PDE8B: variants seen among roughly 807,000 people sequenced by gnomAD.
The protein encoded by PDE8B is high affinity cAMP-specific and IBMX-insensitive 3',5'-cyclic phosphodiesterase 8B.
Under a neutral mutation model 101.3 loss-of-function variants are expected in PDE8B, and 26 were observed. The observed-to-expected ratio is 0.26, with a 90% CI of 0.19 to 0.36. The LOEUF (loss-of-function observed/expected upper bound fraction) is 0.36. Ranked by LOEUF, PDE8B falls within the 10% of genes least tolerant of loss-of-function variation. The pLI is 1.00. For missense variants in PDE8B, 810 were observed against 1,163.1 expected, an observed-to-expected ratio of 0.70 and a Z score of 4.42; for synonymous variants, 424 against 429.3, an observed-to-expected ratio of 0.99 and a Z score of 0.15.
At chr5:77,221,276 C>T (rs757988826) in intron 1 of PDE8B, among the ~76,000 whole-genome samples, 4 of 152,140 alleles carry the variant, frequency 2.6e-5, no homozygotes, top group Non-Finnish European at 4.4e-5. Context: ...CCCTTCCAGT[C>T]TCTCTTTTCT....
chr5:77,375,590 G>T (rs1785910651), intron 10 of PDE8B, among the ~76,000 whole-genome samples: 1 of 152,068 alleles, frequency 6.6e-6, no homozygotes, highest in South Asian at 2.1e-4. Context: ...CCCTCCATCA[G>T]CCAGGCCACC....
At chr5:77,121,509 CTTTT>C in the PDE8B span, among the ~76,000 whole-genome samples, 3 of 141,118 alleles carry the variant, frequency 2.1e-5, no homozygotes, top group Non-Finnish European at 1.5e-5. Context: ...ATTAGGCTTC[CTTTT>C]TTTTTTTTTT....
chr5:77,283,403 G>C (rs1306119482), intron 1 of PDE8B, among the ~76,000 whole-genome samples: 1 of 152,048 alleles, frequency 6.6e-6, no homozygotes, highest in Non-Finnish European at 1.5e-5. Flanking sequence ...GTACCTTCTG[G>C]GGAGTTTGAC....
intron 2 of PDE8B, among the ~76,000 whole-genome samples, chr5:77,312,517 G>A (rs1209623117): frequency 6.6e-6 from 1 of 152,222 alleles, no homozygotes; most frequent in Non-Finnish European, 1.5e-5. Context: ...CCCAAAACTA[G>A]TCTGCTCCAC....
chr5:77,185,260 T>C, the PDE8B span, among the ~76,000 whole-genome samples: 1 of 152,180 alleles, frequency 6.6e-6, no homozygotes, highest in African/African-American at 2.4e-5. Context: ...GACTGATAGC[T>C]CACACAACCG....
the PDE8B span, among the ~76,000 whole-genome samples, chr5:77,125,202 A>G: frequency 1.3e-5 from 2 of 152,064 alleles, no homozygotes; most frequent in Admixed American, 1.3e-4. Flanking sequence ...CATTCTTTCT[A>G]TGTTGTCCAG....
At chr5:77,279,551 G>A (rs1010826384) in intron 1 of PDE8B, among the ~76,000 whole-genome samples, 6 of 152,130 alleles carry the variant, frequency 3.9e-5, no homozygotes, top group African/African-American at 7.2e-5. Flanking sequence ...GCTTATTGAG[G>A]ACTTCAGGTT....
the PDE8B span, among the ~76,000 whole-genome samples, chr5:77,171,808 G>A: frequency 6.6e-6 from 1 of 152,176 alleles, no homozygotes; most frequent in South Asian, 2.1e-4. Context: ...GCCGCGGAGG[G>A]ATGGAGGTCC....
At chr5:77,359,237 G>GTGA (rs1453153887) in intron 10 of PDE8B, among the ~76,000 whole-genome samples, 3 of 152,210 alleles carry the variant, frequency 2.0e-5, no homozygotes, top group Non-Finnish European at 4.4e-5. Context: ...ACGCTTGGTG[G>GTGA]TGATGGTGGC....
chr5:77,259,088 CA>C, intron 1 of PDE8B, among the ~76,000 whole-genome samples: 1 of 72,202 alleles, frequency 1.4e-5, no homozygotes, highest in African/African-American at 5.6e-5. Flanking sequence ...CCCCCCCACA[CA>C]CACACACGAA....
chr5:77,330,290 C>T (rs1481605656), intron 4 of PDE8B, among the ~76,000 whole-genome samples: 1 of 152,178 alleles, frequency 6.6e-6, no homozygotes, highest in Non-Finnish European at 1.5e-5. Flanking sequence ...GAACAAAATA[C>T]TCTTGTTTTT....
At chr5:77,199,347 C>T in the PDE8B span, among the ~76,000 whole-genome samples, 3 of 152,312 alleles carry the variant, frequency 2.0e-5, no homozygotes, top group East Asian at 5.8e-4. Context: ...ACTTCTCTCT[C>T]ACAAAAGTGT....
chr5:77,135,206 A>AAG, the PDE8B span, among the ~76,000 whole-genome samples: 1 of 152,214 alleles, frequency 6.6e-6, no homozygotes, highest in Non-Finnish European at 1.5e-5. Context: ...TTTCCTAGGC[A>AAG]GGACTTTCTT....
At chr5:77,224,380 T>C (rs1282605471) in intron 1 of PDE8B, among the ~76,000 whole-genome samples, 1 of 152,214 alleles carries the variant, frequency 6.6e-6, no homozygotes, top group Non-Finnish European at 1.5e-5. Context: ...TGTATACAAA[T>C]GTAGTGAGAA....
At chr5:77,311,849 GC>G (rs1772704703) in intron 1 of PDE8B, 144 bp from the exon 2 acceptor site, 2 of 779,868 alleles carry the variant, frequency 2.6e-6, no homozygotes, top group South Asian at 2.7e-5. Context: ...TATACATCAT[GC>G]TTGGTAACCC....
the PDE8B span, among the ~76,000 whole-genome samples, chr5:77,123,450 G>A: frequency 6.9e-6 from 1 of 144,510 alleles, no homozygotes; most frequent in Non-Finnish European, 1.5e-5. Context: ...AGCATTACTT[G>A]AGAGGAGAGC....
At chr5:77,229,396 A>G (rs952292036) in intron 1 of PDE8B, among the ~76,000 whole-genome samples, 1 of 152,228 alleles carries the variant, frequency 6.6e-6, no homozygotes, top group Admixed American at 6.5e-5. Flanking sequence ...TACCATTCAC[A>G]AGCTATAAAG....
At chr5:77,092,614 A>C in the PDE8B span, 2 of 152,220 alleles carry the variant, frequency 1.3e-5, no homozygotes, top group African/African-American at 4.8e-5. Flanking sequence ...GAAATCTGCT[A>C]TCAGAAACCC....
intron 10 of PDE8B, among the ~76,000 whole-genome samples, chr5:77,387,247 T>G (rs1043307318): frequency 6.6e-6 from 1 of 152,198 alleles, no homozygotes; most frequent in African/African-American, 2.4e-5. Context: ...GGAGCTCTTG[T>G]AAGGCAGGCC....
Sources: gnomAD v4.1 joint callset for allele counts (sites outside exome capture counted in the v4.1 genomes callset) on GRCh38, gnomAD v4.1.1 for gene constraint, MANE v1.5 for transcripts, NCBI Gene and HGNC (gene_info 2026-07-23, HGNC 2026-07-21) for gene names.